The following VSTM1 variants were observed in gnomAD, a reference collection of about 807,000 sequenced individuals.
VSTM1 encodes V-set and transmembrane domain-containing protein 1.
Under a neutral mutation model 33.1 loss-of-function variants are expected in VSTM1, and 27 were observed. The observed-to-expected ratio is 0.82, with a 90% CI of 0.60 to 1.12. VSTM1 has a LOEUF of 1.12. Ranked by LOEUF, VSTM1 falls within the 50% of genes most tolerant of loss-of-function variation. The probability of loss-of-function intolerance (pLI) is 0.00; values close to 1 mark genes in which losing one functional copy is unlikely to be tolerated. For missense variants in VSTM1, 304 were observed against 288.9 expected, an observed-to-expected ratio of 1.05 and a Z score of -0.38; for synonymous variants, 115 against 110.3, an observed-to-expected ratio of 1.04 and a Z score of -0.27.
At chr19:54,044,855 G>T (rs528422952) in intron 4 of VSTM1, among the ~76,000 whole-genome samples, 230 of 152,126 alleles carry the variant, frequency 1.5e-3, no homozygotes, top group Non-Finnish European at 2.4e-3. Flanking sequence ...GTTCCCCCCC[G>T]TTTTTTGTTT....
rs1259985251 is a variant in VSTM1 at position 54,063,650 on chromosome 19, T to C, written c.34+94A>G. The stretch of plus-strand genomic sequence containing the variant: ...CAGGTGTGCAACACCTGGAAGTCAT[T>C]ACTTCCACACACCGCATTTCCACCT... On this transcript the variant is annotated intron_variant, in intron 1 of 8. Transcript: ENST00000338372. 2.7e-6 allele frequency: 4 copies of C among 1,475,704 alleles called. No homozygotes were observed. In the African/African-American group the frequency reaches 5.6e-5, roughly 21 times the overall value. 91.4% of individuals were successfully genotyped at this position (1,475,704 alleles called of 1,614,324 possible). A position where few individuals can be genotyped will look rare whatever the true frequency, so the allele number is the denominator to read the frequency against.
intron 8 of VSTM1, 34 bp from the exon 9 acceptor site, chr19:54,041,114 TGTTC>T: frequency 6.6e-7 from 1 of 1,510,108 alleles, no homozygotes; most frequent in Non-Finnish European, 8.8e-7. Flanking sequence ...TAGAACTGAG[TGTTC>T]AATATGGCAG....
intron 1 of VSTM1, among the ~76,000 whole-genome samples, chr19:54,061,783 C>T (rs907692403): frequency 1.3e-4 from 20 of 151,682 alleles, no homozygotes; most frequent in African/African-American, 3.9e-4. Flanking sequence ...CACTGCACTC[C>T]GGCCTGGGCA....
At chr19:54,063,651 A>G in intron 1 of VSTM1, 93 bp downstream of exon 1, 1 of 1,504,920 alleles carries the variant, frequency 6.6e-7, no homozygotes, top group Non-Finnish European at 9.2e-7. Context: ...GGAAGTCATT[A>G]CTTCCACACA....
intron 3 of VSTM1, among the ~76,000 whole-genome samples, chr19:54,056,214 C>CTTTTTTTTTTTTTTTTTTTTTTTTTTTTT (rs869203085): frequency 1.3e-4 from 5 of 39,176 alleles, no homozygotes; most frequent in African/African-American, 2.9e-4. Context: ...CTTTTCTTTT[C>CTTTTTTTTTTTTTTTTTTTTTTTTTTTTT]TTTTTTTTTT....
rs560159990 is a variant in VSTM1, at chr19:54,059,925, G to T, written c.35-1193C>A. ...TGCAGTGGCGCGATCTCGGCTCACC[G>T]CAAGCTCTGCCTCCCGGGTTCACGC... On this transcript the variant is annotated intron_variant, in intron 1 of 8. Transcript: ENST00000338372. 8.7e-5 allele frequency among the ~76,000 whole-genome samples: 13 copies of T among 149,590 alleles called. No individual in the cohort carries two copies. In the Admixed American group the frequency reaches 8.7e-4, roughly 10 times the overall value.
At chr19:54,053,769 TG>T (rs2070960661) in intron 3 of VSTM1, among the ~76,000 whole-genome samples, 1 of 142,256 alleles carries the variant, frequency 7.0e-6, no homozygotes, top group African/African-American at 2.6e-5. Flanking sequence ...GCTAAATTAG[TG>T]GTAATTTGTT....
At position 54,041,000 on chromosome 19, in the gene VSTM1, C is replaced by T. The variant is rs774622964; in HGVS notation, c.672G>A (p.Glu224=). ...LSEAASDTTQ[E]PPGSHEYAAL... is the part of the protein sequence containing the mutation. The stretch of plus-strand genomic sequence containing the variant: ...CCGCATATTCATGAGATCCTGGGGG[C>T]TCCTGGGTGGTGTCTGAAGCTGCCT... Residue 224 remains glutamate (E), a synonymous_variant, in exon 9 of 9, where the codon GAG becomes GAA. Transcript: ENST00000338372. 3.1e-6 allele frequency: 5 copies of T among 1,610,716 alleles called. No homozygotes were observed. The highest frequency in any genetic ancestry group is 4.2e-6 in the Non-Finnish European group (5 of 1,178,876).
intron 4 of VSTM1, among the ~76,000 whole-genome samples, chr19:54,046,744 C>T (rs566903058): frequency 7.2e-5 from 11 of 152,244 alleles, no homozygotes; most frequent in South Asian, 4.1e-4. Context: ...CTGCCACTGA[C>T]GGCTGTGGGG....
chr19:54,044,229 A>T (rs187214368), intron 4 of VSTM1, among the ~76,000 whole-genome samples: 54 of 152,260 alleles, frequency 3.5e-4, no homozygotes, highest in African/African-American at 1.3e-3. Context: ...TTCAGGGAGG[A>T]TTCCTAATAA....
At chr19:54,041,722 C>T (rs1030736820) in intron 8 of VSTM1, 57 bp downstream of exon 8, 1 of 1,573,680 alleles carries the variant, frequency 6.4e-7, no homozygotes, top group African/African-American at 1.4e-5. Context: ...GAGGCACACA[C>T]GACCAGCCCA....
chr19:54,057,500 G>A (rs1467568893), intron 3 of VSTM1, among the ~76,000 whole-genome samples: 1 of 144,774 alleles, frequency 6.9e-6, no homozygotes, highest in African/African-American at 2.5e-5. Flanking sequence ...GGGTGACAGA[G>A]CGAGATTCTG....
intron 1 of VSTM1, among the ~76,000 whole-genome samples, chr19:54,061,548 C>T (rs1269088419): frequency 1.3e-5 from 2 of 152,094 alleles, no homozygotes; most frequent in African/African-American, 4.8e-5. Context: ...GGCAGAGAGG[C>T]CAGGCTGCAA....
At position 54,055,791 on chromosome 19, in the gene VSTM1, G is replaced by A. The variant is rs1307217749; in HGVS notation, c.355+2515C>T. Reference sequence around the variant, plus strand: ...ACATTGACTGAGAGCAAAGGTTCTGGGAGTGATCCTGAAGAGGACAAGGCA... The same window carrying A: ...ACATTGACTGAGAGCAAAGGTTCTGAGAGTGATCCTGAAGAGGACAAGGCA... On this transcript the variant is annotated intron_variant, in intron 3 of 8. Coordinates refer to ENST00000338372, the MANE Select transcript of VSTM1 (RefSeq NM_198481.4). 4 of 142,496 alleles carry A rather than the reference G, an allele frequency of 2.8e-5. 2 individuals carry two copies. The highest frequency in any genetic ancestry group is 4.0e-4 in the East Asian group (2 of 5,016). 8.8% of individuals were successfully genotyped at this position (142,496 alleles called of 1,614,324 possible).
intron 4 of VSTM1, among the ~76,000 whole-genome samples, chr19:54,047,325 C>T (rs1349010860): frequency 2.0e-5 from 3 of 151,694 alleles, no homozygotes; most frequent in Non-Finnish European, 4.4e-5. Flanking sequence ...GAGACAGTCT[C>T]ACTCTGTCTC....
chr19:54,061,755 A>C (rs1390911641), intron 1 of VSTM1, among the ~76,000 whole-genome samples: 1 of 152,112 alleles, frequency 6.6e-6, no homozygotes, highest in Admixed American at 6.6e-5. Context: ...TTGAGGCTGC[A>C]GTGAGCTATG....
intron 1 of VSTM1, among the ~76,000 whole-genome samples, chr19:54,063,455 C>G (rs550513631): frequency 6.6e-6 from 1 of 152,176 alleles, no homozygotes; most frequent in Non-Finnish European, 1.5e-5. Flanking sequence ...TCTATTCCGA[C>G]GGAGGATGAT....
rs547138107 is a variant in VSTM1 at position 54,051,090 on chromosome 19, G to A, written c.394+320C>T. 2.6e-5 allele frequency among the ~76,000 whole-genome samples: 4 copies of A among 151,928 alleles called. No homozygotes were observed. The East Asian group carries it at 5.8e-4, about 22-fold the overall frequency. ...GGGCAGATCACAAGGTCAGGAGTTC[G>A]AGACCAGCCTGGCCAACATGGTGAA... On this transcript the variant is annotated intron_variant, in intron 4 of 8. Transcript: ENST00000338372.
chr19:54,046,929 C>A (rs112457119), intron 4 of VSTM1, among the ~76,000 whole-genome samples: 3,134 of 152,264 alleles, frequency 0.021, 111 homozygotes, highest in African/African-American at 0.071. Flanking sequence ...GGCGTGGTGG[C>A]TCACACCTGT....
Sources: allele counts gnomAD v4.1 joint callset (sites outside exome capture counted in the v4.1 genomes callset), GRCh38; gene constraint gnomAD v4.1.1; transcripts MANE v1.5; gene names NCBI Gene and HGNC (gene_info 2026-07-23, HGNC 2026-07-21).